The following RADIL variants were observed in gnomAD, a reference collection of about 807,000 sequenced individuals.
RADIL encodes the protein Rap associating with DIL domain, also known as ras-associating and dilute domain-containing protein.
Under a neutral mutation model 97.6 loss-of-function variants are expected in RADIL, and 99 were observed. The ratio of observed to expected loss-of-function variants is 1.01; its 90% CI spans 0.86 to 1.20. The LOEUF (loss-of-function observed/expected upper bound fraction) is 1.20, where lower values mean the gene tolerates loss of function less well. Ranked by LOEUF, RADIL falls within the 50% of genes most tolerant of loss-of-function variation. RADIL has a pLI of 0.00. For synonymous variants in RADIL, 803 were observed against 691.8 expected (o/e 1.16, Z -2.52); for missense variants, 1,765 against 1,498.9 (o/e 1.18, Z -2.93).
Position 4,822,650 on chromosome 7 carries a change from G to A in RADIL, c.1455-96C>T. The stretch of plus-strand genomic sequence containing the variant: ...TACATAAGGATGCGCGTTTTCATGG[G>A]ACGCTGACAACAACTGCAACCATCA... On this transcript the variant is annotated intron_variant, in intron 5 of 14. Coordinates refer to ENST00000399583, the MANE Select transcript of RADIL (RefSeq NM_018059.5). This position sits in a 1 kb window ranked among gnomAD's most constrained non-coding sequence, Gnocchi z 5.3. 5.0e-6 allele frequency: 7 copies of A among 1,386,664 alleles called. No individual in the cohort carries two copies. The highest frequency in any genetic ancestry group is 6.9e-6 in the Non-Finnish European group (7 of 1,019,622). 85.9% of individuals were successfully genotyped at this position (1,386,664 alleles called of 1,614,324 possible).
Position 4,873,587 on chromosome 7 carries a change from T to A in RADIL, c.535+4018A>T, listed in dbSNP as rs1784302920. On this transcript the variant is annotated intron_variant, in intron 2 of 14. Transcript: ENST00000399583. This position sits in a 1 kb window ranked among gnomAD's most constrained non-coding sequence, Gnocchi z 4.3. ...GCCTGCCCTGCAGGGGCAGATGTGA[T>A]CCTGCCATCCCGCCGTCCTTTTGAA... Among the ~76,000 whole-genome samples the A allele has an allele frequency of 6.6e-6, 1 of 152,168 alleles. No homozygotes were observed. Among genetic ancestry groups the A allele is most frequent in the Admixed American group, 6.5e-5 (1 of 15,284 alleles).
chr7:4,860,863 G>T (rs1441374132), intron 2 of RADIL: 2 of 1,614,142 alleles, frequency 1.2e-6, no homozygotes, highest in Non-Finnish European at 1.7e-6. Context: ...CTGGTGTGAT[G>T]ATAGGCATAA....
chr7:4,827,041 C>T (rs1783002014), intron 5 of RADIL, among the ~76,000 whole-genome samples: 1 of 152,084 alleles, frequency 6.6e-6, no homozygotes, highest in South Asian at 2.1e-4. Context: ...GGTACTCACT[C>T]CAGGGAAAGA....
chr7:4,874,723 C>T (rs1021371851), intron 2 of RADIL, among the ~76,000 whole-genome samples: 27 of 152,298 alleles, frequency 1.8e-4, no homozygotes, highest in South Asian at 6.2e-4. Context: ...GGGGTGCTTT[C>T]GCTCGCCCTG....
At chr7:4,828,001 G>A (rs1050304486) in intron 5 of RADIL, among the ~76,000 whole-genome samples, 5 of 152,168 alleles carry the variant, frequency 3.3e-5, no homozygotes, top group East Asian at 1.9e-4. Flanking sequence ...ACTAATTCTC[G>A]GGGAGATGCC....
chr7:4,799,534 C>T (rs746598698), intron 14 of RADIL, 51 bp from the exon 15 acceptor site: 2 of 1,612,778 alleles, frequency 1.2e-6, no homozygotes, highest in Non-Finnish European at 1.7e-6. Flanking sequence ...CAGGGGAGAC[C>T]CACAGGGTGC....
At position 4,877,798 on chromosome 7, in the gene RADIL, G is replaced by A. The variant is rs772234214; in HGVS notation, c.342C>T (p.Asp114=). The change falls in exon 2 of 15, where the codon GAC becomes GAT. Residue 114 remains aspartate (D), a synonymous_variant. Transcript: ENST00000399583. ...PRQAGQYVLC[D]VVGQAGDAGQ... ...CAGCATCGCCGGCTTGGCCCACCAC[G>A]TCACACAGCACGTACTGGCCGGCCT... is the stretch of plus-strand genomic sequence containing the variant. 3.0e-5 allele frequency: 48 copies of A among 1,611,296 alleles called. No homozygotes were observed. The highest frequency in any genetic ancestry group is 2.3e-4 in the African/African-American group (17 of 75,072).
chr7:4,846,757 G>A (rs974972946), intron 2 of RADIL, among the ~76,000 whole-genome samples: 3 of 150,900 alleles, frequency 2.0e-5, no homozygotes, highest in Non-Finnish European at 4.4e-5. Context: ...TGTTGGCCAG[G>A]CTGGCCTCAA....
At chr7:4,807,017 C>G (rs1448279784) in intron 9 of RADIL, among the ~76,000 whole-genome samples, 1 of 152,166 alleles carries the variant, frequency 6.6e-6, no homozygotes, top group South Asian at 2.1e-4. Flanking sequence ...CACCTCAATG[C>G]GTGGCTCTGG....
At chr7:4,869,576 C>A (rs1233939183) in intron 2 of RADIL, among the ~76,000 whole-genome samples, 1 of 150,892 alleles carries the variant, frequency 6.6e-6, no homozygotes, top group East Asian at 1.9e-4. Flanking sequence ...CCAGTTATCC[C>A]AACATAATTT....
rs115232818 is a variant in RADIL at position 4,814,495 on chromosome 7, C to T, written c.2139+783G>A. Among the ~76,000 whole-genome samples the T allele has an allele frequency of 1.3e-5, 2 of 150,710 alleles. No individual in the cohort carries two copies. The highest frequency in any genetic ancestry group is 2.1e-4 in the South Asian group (1 of 4,782). On this transcript the variant is annotated intron_variant, in intron 9 of 14. Transcript: ENST00000399583. The surrounding 1 kb of genome is among the most constrained non-coding windows in gnomAD (Gnocchi z 4.5). ...TTTTCCAGGCAGGAGAGGAAACCAT[C>T]GGTCTATTTCCATTAATTACCTGTG... is the stretch of plus-strand genomic sequence containing the variant.
intron 2 of RADIL, among the ~76,000 whole-genome samples, chr7:4,839,087 G>A (rs1374245900): frequency 2.0e-5 from 3 of 152,258 alleles, no homozygotes; most frequent in East Asian, 1.9e-4. Flanking sequence ...AGCTGTGTAC[G>A]TGACCACAGG....
chr7:4,830,708 T>C (rs945656348), intron 5 of RADIL, among the ~76,000 whole-genome samples: 1 of 151,886 alleles, frequency 6.6e-6, no homozygotes, highest in African/African-American at 2.4e-5. Flanking sequence ...AGAATCCCCA[T>C]CTCTACTAAA....
In RADIL at chr7:4,840,236, G is replaced by T. The variant is rs1374715076; in HGVS notation, c.536-3631C>A. On this transcript the variant is annotated intron_variant, in intron 2 of 14. Coordinates refer to ENST00000399583, the MANE Select transcript of RADIL (RefSeq NM_018059.5). This position sits in a 1 kb window ranked among gnomAD's most constrained non-coding sequence, Gnocchi z 5.6. ...CTCCCAAGTTCCCATAGAGAGAGCT[G>T]CAATCGTGCCCTGTTTGTGCCTGAC... Among the ~76,000 whole-genome samples the T allele has an allele frequency of 6.6e-6, 1 of 152,108 alleles. No homozygotes were observed. Among genetic ancestry groups the T allele is most frequent in the East Asian group, 1.9e-4 (1 of 5,176 alleles).
rs577394032 is a variant in RADIL at position 4,881,492 on chromosome 7, C to T, written c.-65+2104G>A. Among the ~76,000 whole-genome samples the T allele has an allele frequency of 1.1e-4, 17 of 148,830 alleles. No homozygotes were observed. The East Asian group carries it at 2.6e-3, about 23-fold the overall frequency. On this transcript the variant is annotated intron_variant, in intron 1 of 14. Coordinates refer to ENST00000399583, the MANE Select transcript of RADIL (RefSeq NM_018059.5). ...CTGTAATCCCAGCTCTTTGGGAGGCCGAGGCGGGCAGATCACTTGAGGTCA... is the reference window on the plus strand; with the variant it reads ...CTGTAATCCCAGCTCTTTGGGAGGCTGAGGCGGGCAGATCACTTGAGGTCA...
chr7:4,836,028 C>T (rs1361075151), intron 3 of RADIL, among the ~76,000 whole-genome samples: 4 of 152,240 alleles, frequency 2.6e-5, no homozygotes, highest in Non-Finnish European at 5.9e-5. Context: ...GCCAACTGCC[C>T]ATGCCCTTCC....
In RADIL at chr7:4,818,135, C is replaced by T. The variant is rs922047908; in HGVS notation, c.1616-784G>A. 6.6e-6 allele frequency among the ~76,000 whole-genome samples: 1 copy of T among 152,172 alleles called. No homozygotes were observed. Among genetic ancestry groups the T allele is most frequent in the Non-Finnish European group, 1.5e-5 (1 of 68,034 alleles). ...CAGCCGCGTGGGCGGCCACAGCTCC[C>T]CTCCTCTCCCTCCTGTGGGGCCTTC... On this transcript the variant is annotated intron_variant, in intron 6 of 14. Transcript: ENST00000399583. This position sits in a 1 kb window ranked among gnomAD's most constrained non-coding sequence, Gnocchi z 7.1.
At chr7:4,823,541 G>A (rs889506253) in intron 5 of RADIL, among the ~76,000 whole-genome samples, 1 of 152,094 alleles carries the variant, frequency 6.6e-6, no homozygotes, top group Admixed American at 6.5e-5. Flanking sequence ...CCCCTGCCTG[G>A]CCAGCCCAAT....
At chr7:4,852,012 G>A (rs1213186204) in intron 2 of RADIL, among the ~76,000 whole-genome samples, 1 of 152,212 alleles carries the variant, frequency 6.6e-6, no homozygotes, top group Non-Finnish European at 1.5e-5. Flanking sequence ...CAAGAGCACT[G>A]TCCCTCCACC....
Sources: gnomAD v4.1 joint callset for allele counts (sites outside exome capture counted in the v4.1 genomes callset) on GRCh38, gnomAD v4.1.1 for gene constraint, Gnocchi (gnomAD v3.1) non-coding constraint, MANE v1.5 for transcripts, NCBI Gene and HGNC (gene_info 2026-07-23, HGNC 2026-07-21) for gene names.